The following NCOA4 variants were observed in gnomAD, a reference collection of about 807,000 sequenced individuals.
The protein encoded by NCOA4 is 70 kDa AR-activator.
Under a neutral mutation model 69.5 loss-of-function variants are expected in NCOA4, and 31 were observed. The ratio of observed to expected loss-of-function variants is 0.45; its 90% CI spans 0.34 to 0.60. NCOA4 has a LOEUF of 0.60. Ranked by LOEUF, NCOA4 falls within the 20% of genes least tolerant of loss-of-function variation. The probability of loss-of-function intolerance (pLI) is 0.02; values close to 1 mark genes in which losing one functional copy is unlikely to be tolerated. For missense variants in NCOA4, 600 were observed against 719.2 expected (o/e 0.83, Z 1.90); for synonymous variants, 228 against 252.4 (o/e 0.90, Z 0.92).
rs782250948 is a variant in NCOA4 at position 46,013,537 on chromosome 10, A to G, written c.570+13T>C. 1.2e-5 allele frequency: 19 copies of G among 1,586,840 alleles called. No individual in the cohort carries two copies. The highest frequency in any genetic ancestry group is 3.3e-4 in the Middle Eastern group (2 of 6,024). ...GTAATGACTCAATTACCAAAAACAA[A>G]ATGATATTTTACCTGCTCTGGCATG... On this transcript the variant is annotated intron_variant, in intron 6 of 9. Transcript: ENST00000581486.
intron 1 of NCOA4, among the ~76,000 whole-genome samples, chr10:46,023,125 C>T (rs1839980155): frequency 6.6e-6 from 1 of 152,338 alleles, no homozygotes; most frequent in African/African-American, 2.4e-5. Flanking sequence ...ATTTCTAATA[C>T]GAAAGCAACA....
rs782091072 is a variant in NCOA4, at chr10:46,006,589, C to G, written c.*3G>C. Reference sequence around the variant, plus strand: ...AAAGGCTGCTCAACTCTTGTCCATTCCTTCACATCTGTAAAGAGACACCCA... The same window carrying G: ...AAAGGCTGCTCAACTCTTGTCCATTGCTTCACATCTGTAAAGAGACACCCA... On this transcript the variant is annotated 3_prime_UTR_variant, in exon 10 of 10. Transcript: ENST00000581486. 6.2e-7 allele frequency: 1 copy of G among 1,613,976 alleles called. No homozygotes were observed. Among genetic ancestry groups the G allele is most frequent in the Non-Finnish European group, 8.5e-7 (1 of 1,179,906 alleles).
chr10:46,010,145 G>C (rs1839118072), intron 8 of NCOA4, 78 bp downstream of exon 8: 6 of 1,490,940 alleles, frequency 4.0e-6, no homozygotes, highest in Non-Finnish European at 5.3e-6. Context: ...TCCAGCCTGA[G>C]TGACAGAGAC....
At chr10:46,010,111 T>C in intron 8 of NCOA4, 112 bp downstream of exon 8, 1 of 1,329,834 alleles carries the variant, frequency 7.5e-7, no homozygotes, top group African/African-American at 1.5e-5. Flanking sequence ...GAGGTTGCAA[T>C]GAGCTGAGAT....
chr10:46,027,637 T>C, intron 1 of NCOA4: 1 of 673,576 alleles, frequency 1.5e-6, no homozygotes, highest in Middle Eastern at 3.7e-4. Flanking sequence ...AGTTCTTCCA[T>C]GAAACTGAAC....
chr10:46,017,359 C>T (rs1554923512), intron 1 of NCOA4, among the ~76,000 whole-genome samples: 2 of 152,024 alleles, frequency 1.3e-5, no homozygotes, highest in African/African-American at 4.8e-5. Flanking sequence ...CCAGCCTGGG[C>T]AAAATAGCCA....
At chr10:46,014,629 T>C (rs1554922634) in intron 4 of NCOA4, 77 bp from the exon 5 acceptor site, 2 of 1,068,482 alleles carry the variant, frequency 1.9e-6, no homozygotes, top group African/African-American at 3.2e-5. Context: ...AAAAGCCAAA[T>C]TGTGAGTAAT....
rs1838822859 is a variant in NCOA4, at chr10:46,006,572, C to T, written c.*20G>A. ...TGTGTGATAATCAGCAGAAAGGCTGCTCAACTCTTGTCCATTCCTTCACAT... is the reference window on the plus strand; with the variant it reads ...TGTGTGATAATCAGCAGAAAGGCTGTTCAACTCTTGTCCATTCCTTCACAT... On this transcript the variant is annotated 3_prime_UTR_variant, in exon 10 of 10. Coordinates refer to ENST00000581486, the MANE Select transcript of NCOA4 (RefSeq NM_001145263.2). 6.2e-7 allele frequency: 1 copy of T among 1,613,738 alleles called. No homozygotes were observed. Among genetic ancestry groups the T allele is most frequent in the South Asian group, 1.1e-5 (1 of 91,082 alleles).
chr10:46,023,181 G>T, intron 1 of NCOA4: 1 of 676,028 alleles, frequency 1.5e-6, no homozygotes. Context: ...CTTTCCAAGC[G>T]GCCTCAGGAG....
chr10:46,009,521 C>A lies in NCOA4; in HGVS notation c.1729G>T (p.Glu577Ter), dbSNP rs1554920598. The change falls in exon 9 of 10, where the codon GAA (glutamate) becomes TAA (stop). Residue 577 changes from glutamate to a stop codon, truncating the protein, a stop_gained. Coordinates refer to ENST00000581486, the MANE Select transcript of NCOA4 (RefSeq NM_001145263.2). LOFTEE classifies it high-confidence loss of function. ...TAATGGTCTGGGGGGAAGTTATGTT[C>A]CTCCTGTAGAGGTGAATTAAGTAAT... ...EVLLNSPLQEEHNFPPDHYGL... is the reference protein window; with the variant it reads ...EVLLNSPLQE 6.2e-7 allele frequency: 1 copy of A among 1,610,586 alleles called. No individual in the cohort carries two copies. Among genetic ancestry groups the A allele is most frequent in the Admixed American group, 1.7e-5 (1 of 59,778 alleles).
chr10:46,009,192 A>G, intron 9 of NCOA4: 2 of 1,551,006 alleles, frequency 1.3e-6, no homozygotes, highest in Non-Finnish European at 1.7e-6. Context: ...TTACATCTTG[A>G]AAGTTCATTT....
chr10:46,023,564 G>GCCCCCCTGCAGCTCCCT, intron 1 of NCOA4: 1 of 976,752 alleles, frequency 1.0e-6, no homozygotes, highest in Non-Finnish European at 1.2e-6. Context: ...GGCGCTCGCG[G>GCCCCCCTGCAGCTCCCT]CCCCCCTGCA....
At chr10:46,009,269 C>T in intron 9 of NCOA4, 142 bp downstream of exon 9, 1 of 1,478,968 alleles carries the variant, frequency 6.8e-7, no homozygotes, top group Non-Finnish European at 9.3e-7. Context: ...ATGAGCTCCC[C>T]CGTCCCACCC....
chr10:46,022,342 ATTAGACCGTCTGTAAAGCTT>A, intron 1 of NCOA4: 3 of 437,184 alleles, frequency 6.9e-6, no homozygotes, highest in Non-Finnish European at 4.6e-6. Context: ...GACAACCTGC[ATTAGACCGTCTGTAAAGCTT>A]TTAGTTTAAA....
intron 3 of NCOA4, 30 bp downstream of exon 3, chr10:46,015,096 A>AAACC: frequency 6.2e-7 from 1 of 1,613,816 alleles, no homozygotes; most frequent in Non-Finnish European, 8.5e-7. Flanking sequence ...AGCCATGCTC[A>AAACC]AACCAATTCT....
chr10:46,012,480 ATACTT>A (rs1331642752), intron 7 of NCOA4, among the ~76,000 whole-genome samples: 3 of 152,154 alleles, frequency 2.0e-5, no homozygotes, highest in Non-Finnish European at 2.9e-5. Context: ...ATACTACTAA[ATACTT>A]TACAGAAGAA....
At chr10:46,025,564 T>A (rs892089300) in intron 1 of NCOA4, among the ~76,000 whole-genome samples, 11 of 152,352 alleles carry the variant, frequency 7.2e-5, no homozygotes, top group Admixed American at 5.9e-4. Context: ...TGGACAGCTT[T>A]TCTATGCATA....
chr10:46,018,101 T>C (rs1554923673), intron 1 of NCOA4, among the ~76,000 whole-genome samples: 1 of 152,212 alleles, frequency 6.6e-6, no homozygotes, highest in African/African-American at 2.4e-5. Context: ...ATAAGATTAT[T>C]TTTTACAAAA....
In NCOA4 at chr10:46,006,573, T is replaced by C. The variant is rs1179777958; in HGVS notation, c.*19A>G. 6.2e-7 allele frequency: 1 copy of C among 1,613,772 alleles called. No individual in the cohort carries two copies. The stretch of plus-strand genomic sequence containing the variant: ...GTGTGATAATCAGCAGAAAGGCTGC[T>C]CAACTCTTGTCCATTCCTTCACATC... On this transcript the variant is annotated 3_prime_UTR_variant, in exon 10 of 10. Transcript: ENST00000581486.
Sources: allele counts gnomAD v4.1 joint callset (sites outside exome capture counted in the v4.1 genomes callset), GRCh38; gene constraint gnomAD v4.1.1; transcripts MANE v1.5; gene names NCBI Gene and HGNC (gene_info 2026-07-23, HGNC 2026-07-21).